The following SPACA1 variants were observed in gnomAD, a reference collection of about 807,000 sequenced individuals.
The protein encoded by SPACA1 is sperm acrosome membrane-associated protein 1.
A neutral mutation model predicts 32.6 loss-of-function variants in SPACA1; 17 were observed. The ratio of observed to expected loss-of-function variants is 0.52; its 90% CI spans 0.36 to 0.78. The LOEUF (loss-of-function observed/expected upper bound fraction) is 0.78, where lower values mean the gene tolerates loss of function less well. SPACA1 is among the 30% of genes least tolerant of loss of function. The pLI is 0.01. For missense variants in SPACA1, 363 were observed against 373.4 expected, an observed-to-expected ratio of 0.97 and a Z score of 0.23; for synonymous variants, 140 against 138.1, an observed-to-expected ratio of 1.01 and a Z score of -0.10.
At chr6:88,064,267 C>G in intron 6 of SPACA1, 48 bp downstream of exon 6, 3 of 1,567,024 alleles carry the variant, frequency 1.9e-6, no homozygotes, top group Non-Finnish European at 2.6e-6. Flanking sequence ...ACATCCTCTT[C>G]TTCCCCCTCC....
chr6:88,062,121 G>C (rs1202435114), intron 5 of SPACA1, among the ~76,000 whole-genome samples: 1 of 152,112 alleles, frequency 6.6e-6, no homozygotes, highest in Non-Finnish European at 1.5e-5. Flanking sequence ...AACAATGTTG[G>C]AACGTAAATA....
intron 1 of SPACA1, among the ~76,000 whole-genome samples, 190 bp from the exon 2 acceptor site, chr6:88,053,756 G>C (rs1446691127): frequency 1.3e-5 from 2 of 152,120 alleles, no homozygotes; most frequent in African/African-American, 4.8e-5. Context: ...GACTTCTTTA[G>C]AGGTTTGAGA....
rs779127049 is a variant in SPACA1 at position 88,057,718 on chromosome 6, G to A, written c.367+5G>A. ...GTGGACCAACAGATTGTGGCTGTGA[G>A]TTGAATTATGTATTGGAGGGAGACT... On this transcript the variant is annotated splice_donor_5th_base_variant and intron_variant, in intron 3 of 6. Coordinates refer to ENST00000237201, the MANE Select transcript of SPACA1 (RefSeq NM_030960.3). 3.1e-6 allele frequency: 5 copies of A among 1,611,104 alleles called. No homozygotes were observed. The Admixed American group carries it at 8.3e-5, about 27-fold the overall frequency.
chr6:88,064,337 TC>T, intron 6 of SPACA1, 118 bp downstream of exon 6: 1 of 1,026,564 alleles, frequency 9.7e-7, no homozygotes, highest in Non-Finnish European at 1.4e-6. Context: ...CTTGAAACTG[TC>T]CATCGCCTTT....
At chr6:88,059,671 C>T in intron 5 of SPACA1, 83 bp downstream of exon 5, 1 of 1,331,484 alleles carries the variant, frequency 7.5e-7, no homozygotes, top group Non-Finnish European at 1.0e-6. Context: ...GTTAAAACAC[C>T]AGTCTCTAGC....
chr6:88,052,431 C>G (rs1775741488), intron 1 of SPACA1, among the ~76,000 whole-genome samples: 2 of 152,280 alleles, frequency 1.3e-5, no homozygotes, highest in South Asian at 4.1e-4. Context: ...AAGCATTCCA[C>G]AATTCAAAAT....
intron 5 of SPACA1, among the ~76,000 whole-genome samples, chr6:88,061,226 A>AT (rs1230309561): frequency 6.6e-6 from 1 of 152,098 alleles, no homozygotes; most frequent in Non-Finnish European, 1.5e-5. Flanking sequence ...TAAATATCAG[A>AT]TTTTTCACTC....
chr6:88,053,810 T>C (rs1374349460), intron 1 of SPACA1, 136 bp from the exon 2 acceptor site: 14 of 640,354 alleles, frequency 2.2e-5, no homozygotes, highest in Non-Finnish European at 3.5e-5. Flanking sequence ...TGGCATTGTT[T>C]TCTGATTTAA....
In SPACA1 at chr6:88,066,530, G is replaced by T; in HGVS notation, c.*195G>T. 2.6e-6 allele frequency: 1 copy of T among 377,852 alleles called. No homozygotes were observed. Among genetic ancestry groups the T allele is most frequent in the Non-Finnish European group, 4.5e-6 (1 of 221,000 alleles). The allele number at this position is 377,852 out of a possible 1,614,324, so 23.4% of individuals were successfully genotyped here. A position where few individuals can be genotyped will look rare whatever the true frequency, so the allele number is the denominator to read the frequency against. On this transcript the variant is annotated 3_prime_UTR_variant, in exon 7 of 7. Transcript: ENST00000237201. Reference sequence around the variant, plus strand: ...AGTTATCAAATATTACTTTTAATTTGTTCTCAACACTTATTTCAGGTAATA... The same window carrying T: ...AGTTATCAAATATTACTTTTAATTTTTTCTCAACACTTATTTCAGGTAATA...
chr6:88,064,014 G>A, intron 5 of SPACA1, 85 bp from the exon 6 acceptor site: 1 of 1,453,216 alleles, frequency 6.9e-7, no homozygotes, highest in Non-Finnish European at 9.2e-7. Context: ...TTCTAGAGTT[G>A]TTTTTCAAAT....
intron 2 of SPACA1, among the ~76,000 whole-genome samples, chr6:88,056,308 C>T (rs556321557): frequency 3.6e-4 from 55 of 152,116 alleles, no homozygotes; most frequent in Non-Finnish European, 4.9e-4. Flanking sequence ...GAGCTGAGAT[C>T]GCGCCACTGC....
chr6:88,051,373 A>G (rs961961745), intron 1 of SPACA1, among the ~76,000 whole-genome samples: 1 of 152,200 alleles, frequency 6.6e-6, no homozygotes, highest in African/African-American at 2.4e-5. Context: ...GAATACTTCT[A>G]AGGAAGAACA....
rs778269594 is a variant in SPACA1, at chr6:88,057,698, C to G, written c.352C>G (p.Pro118Ala). Residue 118 changes from proline (P) to alanine (A), a missense_variant, in exon 3 of 7, where the codon CCA (proline) becomes GCA (alanine). Transcript: ENST00000237201. ...CVVRVEECRG[P>A]TDCGWGKPIS... ...TGTACGGGTAGAAGAATGCCGTGGA[C>G]CAACAGATTGTGGCTGTGAGTTGAA... is the stretch of plus-strand genomic sequence containing the variant. 6.2e-7 allele frequency: 1 copy of G among 1,613,722 alleles called. No individual in the cohort carries two copies. The highest frequency in any genetic ancestry group is 8.5e-7 in the Non-Finnish European group (1 of 1,179,758).
chr6:88,060,674 A>G, intron 5 of SPACA1, among the ~76,000 whole-genome samples: 1 of 152,224 alleles, frequency 6.6e-6, no homozygotes. Flanking sequence ...ATCATTTTCA[A>G]TAAAGCTCTA....
intron 5 of SPACA1, among the ~76,000 whole-genome samples, chr6:88,063,120 C>T (rs1775920959): frequency 6.6e-6 from 1 of 152,128 alleles, no homozygotes; most frequent in African/African-American, 2.4e-5. Context: ...AAAACCTGTA[C>T]AGTCAGTACA....
intron 4 of SPACA1, 33 bp downstream of exon 4, chr6:88,058,855 C>A (rs968373670): frequency 1.4e-6 from 2 of 1,404,806 alleles, no homozygotes; most frequent in African/African-American, 1.5e-5. Context: ...CTGGTGCTTT[C>A]TAGTGAGTGA....
At chr6:88,057,871 G>T (rs1319601895) in intron 3 of SPACA1, among the ~76,000 whole-genome samples, 158 bp downstream of exon 3, 1 of 152,194 alleles carries the variant, frequency 6.6e-6, no homozygotes, top group African/African-American at 2.4e-5. Flanking sequence ...AACAGTTATA[G>T]TTCTGAGCAA....
At chr6:88,051,612 A>G (rs1775729548) in intron 1 of SPACA1, among the ~76,000 whole-genome samples, 1 of 152,196 alleles carries the variant, frequency 6.6e-6, no homozygotes, top group Non-Finnish European at 1.5e-5. Flanking sequence ...GCCTCTGCAC[A>G]TCTTTGATTC....
intron 1 of SPACA1, among the ~76,000 whole-genome samples, chr6:88,049,592 C>T (rs192416411): frequency 2.5e-3 from 377 of 152,248 alleles, no homozygotes; most frequent in Admixed American, 4.1e-3. Context: ...AAACAGTTAT[C>T]CCCATTTACT....
Sources: gnomAD v4.1 joint callset for allele counts (sites outside exome capture counted in the v4.1 genomes callset) on GRCh38, gnomAD v4.1.1 for gene constraint, MANE v1.5 for transcripts, NCBI Gene and HGNC (gene_info 2026-07-23, HGNC 2026-07-21) for gene names.